The following RBFOX3 variants were observed in gnomAD, a reference collection of about 807,000 sequenced individuals.
RBFOX3 encodes the protein RNA binding protein fox-1 homolog 3.
A neutral mutation model predicts 48.7 loss-of-function variants in RBFOX3; 17 were observed. The ratio of observed to expected loss-of-function variants is 0.35; its 90% CI spans 0.24 to 0.52. The LOEUF is 0.52. Ranked by LOEUF, RBFOX3 falls within the 20% of genes least tolerant of loss-of-function variation. The pLI is 0.94. For missense variants in RBFOX3, 382 were observed against 497.5 expected (o/e 0.77, Z 2.21); for synonymous variants, 212 against 209.5 (o/e 1.01, Z -0.10).
At chr17:79,240,968 T>A (rs1006859736) in intron 3 of RBFOX3, among the ~76,000 whole-genome samples, 1 of 146,060 alleles carries the variant, frequency 6.8e-6, no homozygotes, top group Non-Finnish European at 1.5e-5. Context: ...CTGGCCTAAA[T>A]TTTTCAATTA....
At chr17:79,408,167 G>A (rs931517952) in intron 2 of RBFOX3, among the ~76,000 whole-genome samples, 1 of 152,154 alleles carries the variant, frequency 6.6e-6, no homozygotes, top group Non-Finnish European at 1.5e-5. Context: ...TCACTGTGGG[G>A]AGGCAGGCTG....
At chr17:79,157,569 A>G (rs2046100694) in intron 4 of RBFOX3, among the ~76,000 whole-genome samples, 1 of 152,138 alleles carries the variant, frequency 6.6e-6, no homozygotes, top group Non-Finnish European at 1.5e-5. Flanking sequence ...CCCGGGGGTG[A>G]GGTTGTACAG....
At chr17:79,377,399 TCATA>T (rs1014789040) in intron 2 of RBFOX3, among the ~76,000 whole-genome samples, 6 of 138,974 alleles carry the variant, frequency 4.3e-5, no homozygotes, top group African/African-American at 1.2e-4. Context: ...ACACACACAC[TCATA>T]CACACACAGA....
chr17:79,350,006 C>T (rs1448273465), intron 2 of RBFOX3, among the ~76,000 whole-genome samples: 1 of 152,184 alleles, frequency 6.6e-6, no homozygotes, highest in Non-Finnish European at 1.5e-5. Flanking sequence ...TCCATGCCAC[C>T]AAAGTCGTCC....
chr17:79,359,286 C>T (rs2085845110), intron 2 of RBFOX3, among the ~76,000 whole-genome samples: 1 of 152,216 alleles, frequency 6.6e-6, no homozygotes, highest in South Asian at 2.1e-4. Flanking sequence ...GGATATGCAG[C>T]TTAATTTGAG....
intron 6 of RBFOX3, 30 bp from the exon 7 acceptor site, chr17:79,104,156 G>C (rs1238124429): frequency 1.2e-5 from 18 of 1,541,624 alleles, no homozygotes; most frequent in Non-Finnish European, 1.6e-5. Context: ...GAGGGAGTGG[G>C]GCAGACAGGA....
At chr17:79,614,940 A>T (rs1423018861), upstream of RBFOX3, among the ~76,000 whole-genome samples, 2 of 152,196 alleles carry the variant, frequency 1.3e-5, no homozygotes, top group African/African-American at 4.8e-5. Context: ...GAGGAGGAGG[A>T]GAAGAAAGGA....
chr17:79,632,237 G>A, the RBFOX3 span, among the ~76,000 whole-genome samples: 405 of 152,266 alleles, frequency 2.7e-3, no homozygotes, highest in African/African-American at 9.4e-3. Flanking sequence ...GCCTTGGTTC[G>A]TTGTAGACGG....
chr17:79,512,189 C>T lies in RBFOX3; in HGVS notation c.-319-29591G>A, dbSNP rs1242733295. On this transcript the variant is annotated intron_variant, in intron 1 of 14. Transcript: ENST00000693108. ...CACCCACCCGGATACATGTTACCAT[C>T]GGATATAGCCCCATGGCCAGGGGAC... Among the ~76,000 whole-genome samples, 4 of 143,224 alleles carry T rather than the reference C, an allele frequency of 2.8e-5. 1 individual carries two copies. The South Asian group carries it at 9.1e-4, about 33-fold the overall frequency. 94.0% of individuals were successfully genotyped at this position (143,224 alleles called of 152,430 possible).
chr17:79,511,132 T>A (rs797041119), intron 1 of RBFOX3, among the ~76,000 whole-genome samples: 60,847 of 151,848 alleles, frequency 0.4, 13,274 homozygotes, highest in East Asian at 0.62. Flanking sequence ...AACAACTGCT[T>A]GGCTGGCAGA....
intron 2 of RBFOX3, among the ~76,000 whole-genome samples, chr17:79,336,156 G>A (rs2081157563): frequency 6.6e-6 from 1 of 152,120 alleles, no homozygotes; most frequent in Non-Finnish European, 1.5e-5. Flanking sequence ...AGAGGCCAAG[G>A]TGAGTGGATC....
At chr17:79,190,334 C>T (rs2054211733) in intron 4 of RBFOX3, among the ~76,000 whole-genome samples, 1 of 148,354 alleles carries the variant, frequency 6.7e-6, no homozygotes, top group Admixed American at 6.8e-5. Flanking sequence ...TCACTTGAAT[C>T]TGGGAGGCGG....
intron 2 of RBFOX3, among the ~76,000 whole-genome samples, chr17:79,464,735 G>T (rs2076084260): frequency 6.6e-6 from 1 of 152,282 alleles, no homozygotes; most frequent in African/African-American, 2.4e-5. Flanking sequence ...ACCACAGAAA[G>T]AAGTGCAGGG....
intron 12 of RBFOX3, among the ~76,000 whole-genome samples, chr17:79,095,864 C>T (rs953538123): frequency 6.6e-6 from 1 of 152,246 alleles, no homozygotes; most frequent in African/African-American, 2.4e-5. Flanking sequence ...ACACATCCAT[C>T]TGTGCACTCC....
At chr17:79,160,114 C>T (rs935713723) in intron 4 of RBFOX3, among the ~76,000 whole-genome samples, 4 of 152,248 alleles carry the variant, frequency 2.6e-5, no homozygotes, top group African/African-American at 4.8e-5. Context: ...GCTCCGGCCC[C>T]GGGGGATTCT....
chr17:79,280,717 A>T (rs750362279), intron 3 of RBFOX3, among the ~76,000 whole-genome samples: 1 of 152,058 alleles, frequency 6.6e-6, no homozygotes, highest in Non-Finnish European at 1.5e-5. Context: ...CGGGGCTGGC[A>T]TCCTCCTATC....
Position 79,366,700 on chromosome 17 carries a change from C to A in RBFOX3, c.-174-58876G>T, listed in dbSNP as rs184199482. Among the ~76,000 whole-genome samples, 31 of 152,306 alleles carry A rather than the reference C, an allele frequency of 2.0e-4. No homozygotes were observed. In the East Asian group the frequency reaches 5.2e-3, roughly 26 times the overall value. ...GGAGGATGAATGCAGGGCCCCAGCCCAGCAGAGGCAATGTTTGAGGAGCTG... is the reference window on the plus strand; with the variant it reads ...GGAGGATGAATGCAGGGCCCCAGCCAAGCAGAGGCAATGTTTGAGGAGCTG... On this transcript the variant is annotated intron_variant, in intron 2 of 14. Coordinates refer to ENST00000693108, the MANE Select transcript of RBFOX3 (RefSeq NM_001350451.2).
Position 79,107,031 on chromosome 17 carries a change from C to T in RBFOX3, c.223-243G>A, listed in dbSNP as rs562791344. Reference sequence around the variant, plus strand: ...TTCGCCCAAACTGTGCAGGTGAGGCCGCCTCCCTCCCGCCATCCCAGTGCA... The same window carrying T: ...TTCGCCCAAACTGTGCAGGTGAGGCTGCCTCCCTCCCGCCATCCCAGTGCA... On this transcript the variant is annotated intron_variant, in intron 5 of 14. Transcript: ENST00000693108. 2.6e-5 allele frequency among the ~76,000 whole-genome samples: 4 copies of T among 152,312 alleles called. No individual in the cohort carries two copies. The South Asian group carries it at 6.2e-4, about 24-fold the overall frequency.
chr17:79,342,602 G>C (rs529415264), intron 2 of RBFOX3, among the ~76,000 whole-genome samples: 1 of 152,196 alleles, frequency 6.6e-6, no homozygotes, highest in African/African-American at 2.4e-5. Flanking sequence ...GCCAGTGAGC[G>C]AAGTGCTTTA....
Sources: gnomAD v4.1 joint callset for allele counts (sites outside exome capture counted in the v4.1 genomes callset) on GRCh38, gnomAD v4.1.1 for gene constraint, MANE v1.5 for transcripts, NCBI Gene and HGNC (gene_info 2026-07-23, HGNC 2026-07-21) for gene names.